Variants in DUSP14 observed in about 807,000 individuals in gnomAD.
DUSP14 encodes dual specificity protein phosphatase 14.
A neutral mutation model predicts 13.2 loss-of-function variants in DUSP14; 5 were observed. The ratio of observed to expected loss-of-function variants is 0.38; its 90% CI spans 0.20 to 0.80. DUSP14 has a LOEUF of 0.80. DUSP14 is among the 30% of genes least tolerant of loss of function. DUSP14 has a pLI of 0.44. For missense variants in DUSP14, 185 were observed against 264.0 expected (o/e 0.70, Z 2.07); for synonymous variants, 91 against 103.4 (o/e 0.88, Z 0.73).
At chr17:37,500,524 A>G (rs1170182376) in intron 1 of DUSP14, among the ~76,000 whole-genome samples, 1 of 152,234 alleles carries the variant, frequency 6.6e-6, no homozygotes, top group Non-Finnish European at 1.5e-5. Context: ...AGAGGGCAGT[A>G]GTAACTTTGA....
Position 37,507,548 on chromosome 17 carries a change from G to A in DUSP14, c.-180-3129G>A, listed in dbSNP as rs536194860. On this transcript the variant is annotated intron_variant, in intron 1 of 2. Transcript: ENST00000617516. Reference sequence around the variant, plus strand: ...GCTCACTGCAGCCTCTTCCTCCCGGGTTCAAGCGATTCTCTTGGCTCAGCC... The same window carrying A: ...GCTCACTGCAGCCTCTTCCTCCCGGATTCAAGCGATTCTCTTGGCTCAGCC... Among the ~76,000 whole-genome samples, 17 of 152,258 alleles carry A rather than the reference G, an allele frequency of 1.1e-4. 1 individual carries two copies. The South Asian group carries it at 3.5e-3, about 32-fold the overall frequency.
intron 1 of DUSP14, among the ~76,000 whole-genome samples, chr17:37,498,886 G>T (rs1360422277): frequency 6.6e-6 from 1 of 152,156 alleles, no homozygotes; most frequent in Non-Finnish European, 1.5e-5. Flanking sequence ...GGGTCTAGGA[G>T]TCTGCATTCT....
chr17:37,511,755 T>A (rs2054187676), intron 2 of DUSP14, among the ~76,000 whole-genome samples: 1 of 146,888 alleles, frequency 6.8e-6, no homozygotes, highest in Admixed American at 6.8e-5. Flanking sequence ...ACCCAGCTAA[T>A]TAAAAAAAAA....
chr17:37,507,579 A>G (rs187958450), intron 1 of DUSP14, among the ~76,000 whole-genome samples: 2 of 152,196 alleles, frequency 1.3e-5, no homozygotes, highest in East Asian at 1.9e-4. Flanking sequence ...CAGCCTCCCT[A>G]CTAGCTGGGA....
At chr17:37,505,185 A>T (rs1004614012) in intron 1 of DUSP14, among the ~76,000 whole-genome samples, 6 of 152,160 alleles carry the variant, frequency 3.9e-5, no homozygotes, top group African/African-American at 1.4e-4. Flanking sequence ...AAAGTGATAC[A>T]ACCACCTTGG....
At chr17:37,509,325 T>TGTGTGTG (rs1402231269) in intron 1 of DUSP14, among the ~76,000 whole-genome samples, 1 of 118,894 alleles carries the variant, frequency 8.4e-6, no homozygotes, top group African/African-American at 3.2e-5. Flanking sequence ...TGTGTGTGTG[T>TGTGTGTG]TTAGTTTTTG....
chr17:37,511,585 C>CCTTTTTTTT (rs1207586646), intron 2 of DUSP14, among the ~76,000 whole-genome samples: 2 of 87,312 alleles, frequency 2.3e-5, no homozygotes, highest in African/African-American at 1.0e-4. Context: ...CTGGCCTTTC[C>CCTTTTTTTT]TTTTTTTTTT....
chr17:37,512,569 T>G lies in DUSP14; in HGVS notation c.297T>G (p.Ser99Arg), dbSNP rs1433299427. The change falls in exon 3 of 3, where the codon AGT becomes AGG. Residue 99 changes from serine (S) to arginine (R), a missense_variant. Transcript: ENST00000617516. The surrounding 1 kb of genome is among the most constrained non-coding windows in gnomAD (Gnocchi z 4.8). Reference sequence around the variant, plus strand: ...ACACCGTGGCTGACAAGATCCACAGTGTGAGCAGGAAGCACGGGGCCACCT... The same window carrying G: ...ACACCGTGGCTGACAAGATCCACAGGGTGAGCAGGAAGCACGGGGCCACCT... ...YFDTVADKIH[S>R]VSRKHGATLV... The G allele has an allele frequency of 1.9e-6, 3 of 1,614,138 alleles. No homozygotes were observed. Among genetic ancestry groups the G allele is most frequent in the Non-Finnish European group, 2.5e-6 (3 of 1,180,022 alleles).
intron 1 of DUSP14, among the ~76,000 whole-genome samples, chr17:37,495,668 GT>G (rs1555696273): frequency 8.8e-5 from 13 of 148,048 alleles, no homozygotes; most frequent in Non-Finnish European, 1.6e-4. Flanking sequence ...TTGTTTTTTT[GT>G]TTTTTTTTTG....
chr17:37,513,065 TTTAAAA>T lies in DUSP14; in HGVS notation c.*201_*206del, dbSNP rs2054205915. On this transcript the variant is annotated 3_prime_UTR_variant, in exon 3 of 3. Transcript: ENST00000617516. ...GAATGCATACATTGCTAGTCACATT[TTTAAAA>T]TTAACATTTTGGAATAGTGTTTATG... 1 of 556,214 alleles carries T rather than the reference TTTAAAA, an allele frequency of 1.8e-6. No individual in the cohort carries two copies. The highest frequency in any genetic ancestry group is 1.9e-5 in the African/African-American group (1 of 53,172). 34.5% of individuals were successfully genotyped at this position (556,214 alleles called of 1,614,324 possible).
At chr17:37,495,160 G>A (rs1247927867) in intron 1 of DUSP14, among the ~76,000 whole-genome samples, 1 of 152,190 alleles carries the variant, frequency 6.6e-6, no homozygotes, top group African/African-American at 2.4e-5. Flanking sequence ...TCACAAAGGA[G>A]CTCCATTTTC....
At chr17:37,490,390 C>G (rs2054019549) in intron 1 of DUSP14, among the ~76,000 whole-genome samples, 1 of 152,224 alleles carries the variant, frequency 6.6e-6, no homozygotes, top group Non-Finnish European at 1.5e-5. Flanking sequence ...GTTTCTGGTG[C>G]ATGGATAGAA....
At chr17:37,509,243 CTA>C (rs71135736) in intron 1 of DUSP14, among the ~76,000 whole-genome samples, 60 of 44,796 alleles carry the variant, frequency 1.3e-3, no homozygotes, top group Admixed American at 2.2e-3. Flanking sequence ...TATATACACA[CTA>C]TATATATATA....
intron 1 of DUSP14, among the ~76,000 whole-genome samples, chr17:37,498,736 G>C (rs2054085841): frequency 6.7e-6 from 1 of 149,196 alleles, no homozygotes; most frequent in Non-Finnish European, 1.5e-5. Flanking sequence ...TATCCTCCTA[G>C]AAAGTACAGG....
At chr17:37,506,140 C>G (rs755666818) in intron 1 of DUSP14, among the ~76,000 whole-genome samples, 1 of 151,994 alleles carries the variant, frequency 6.6e-6, no homozygotes, top group Non-Finnish European at 1.5e-5. Flanking sequence ...TGGCATGCAC[C>G]TGTAATCCCA....
intron 1 of DUSP14, chr17:37,510,431 A>T (rs1216625473): frequency 6.6e-6 from 1 of 152,044 alleles, no homozygotes. Context: ...AGAGGATGAG[A>T]TTTGTCTGTG....
intron 1 of DUSP14, among the ~76,000 whole-genome samples, chr17:37,500,046 C>G (rs972952761): frequency 6.6e-6 from 1 of 152,262 alleles, no homozygotes; most frequent in Non-Finnish European, 1.5e-5. Flanking sequence ...TCGGACTGCT[C>G]TCAGCATGGG....
chr17:37,498,006 A>G (rs1788586304), intron 1 of DUSP14, among the ~76,000 whole-genome samples: 1 of 151,426 alleles, frequency 6.6e-6, no homozygotes, highest in African/African-American at 2.4e-5. Context: ...AGATTGCACC[A>G]CTGCACTCCA....
Position 37,513,097 on chromosome 17 carries a change from G to C in DUSP14, c.*228G>C. ...TTAACATTTTGGAATAGTGTTTATGGAAATCTTTAGCTTTTAATCATTTTT... is the reference window on the plus strand; with the variant it reads ...TTAACATTTTGGAATAGTGTTTATGCAAATCTTTAGCTTTTAATCATTTTT... On this transcript the variant is annotated 3_prime_UTR_variant, in exon 3 of 3. Coordinates refer to ENST00000617516, the MANE Select transcript of DUSP14 (RefSeq NM_007026.4). 11 of 543,922 alleles carry C rather than the reference G, an allele frequency of 2.0e-5. No individual in the cohort carries two copies. Among genetic ancestry groups the C allele is most frequent in the Non-Finnish European group, 3.6e-5 (11 of 301,534 alleles). The allele number at this position is 543,922 out of a possible 1,614,324, so 33.7% of individuals were successfully genotyped here.
Sources: gnomAD v4.1 joint callset for allele counts (sites outside exome capture counted in the v4.1 genomes callset) on GRCh38, gnomAD v4.1.1 for gene constraint, Gnocchi (gnomAD v3.1) non-coding constraint, MANE v1.5 for transcripts, NCBI Gene and HGNC (gene_info 2026-07-23, HGNC 2026-07-21) for gene names.